LRPPRC: variants seen among roughly 807,000 people sequenced by gnomAD.
LRPPRC encodes leucine-rich PPR motif-containing protein, mitochondrial.
LRPPRC carries 120 observed loss-of-function variants against 180.3 expected under a neutral mutation model. That is an observed-to-expected ratio of 0.67 (90% CI 0.57 to 0.77). LRPPRC has a LOEUF of 0.77. Ranked by LOEUF, LRPPRC falls within the 30% of genes least tolerant of loss-of-function variation. The pLI, the probability that LRPPRC is intolerant of heterozygous loss-of-function variation, is 0.00. For synonymous variants in LRPPRC, 723 were observed against 600.0 expected (o/e 1.21, Z -3.00); for missense variants, 2,012 against 1,657.2 (o/e 1.21, Z -3.72).
Position 43,887,531 on chromosome 2 carries a change from G to A in LRPPRC, c.*1069C>T, listed in dbSNP as rs190916102. 3 of 152,324 alleles carry A rather than the reference G, an allele frequency of 2.0e-5. No individual in the cohort carries two copies. Among genetic ancestry groups the A allele is most frequent in the Non-Finnish European group, 2.9e-5 (2 of 68,040 alleles). 9.4% of individuals were successfully genotyped at this position (152,324 alleles called of 1,614,324 possible). A position where few individuals can be genotyped will look rare whatever the true frequency, so the allele number is the denominator to read the frequency against. Reference sequence around the variant, plus strand: ...TTGGCACTGAAACTGGAACAGTAGGGAGTCACCAAATTCAAATGAACAAGG... The same window carrying A: ...TTGGCACTGAAACTGGAACAGTAGGAAGTCACCAAATTCAAATGAACAAGG... On this transcript the variant is annotated 3_prime_UTR_variant, in exon 38 of 38. Coordinates refer to ENST00000260665, the MANE Select transcript of LRPPRC (RefSeq NM_133259.4).
chr2:43,994,398 C>A (rs1674925066), intron 1 of LRPPRC, among the ~76,000 whole-genome samples: 1 of 152,208 alleles, frequency 6.6e-6, no homozygotes, highest in Admixed American at 6.5e-5. Context: ...TATTATGACT[C>A]CTGTAGTAAC....
intron 36 of LRPPRC, among the ~76,000 whole-genome samples, chr2:43,893,751 A>G (rs532815259): frequency 6.6e-6 from 1 of 152,130 alleles, no homozygotes; most frequent in Non-Finnish European, 1.5e-5. Flanking sequence ...AAATTTGATA[A>G]ATTTTATGAC....
At chr2:43,991,710 G>C (rs1282615439) in intron 1 of LRPPRC, among the ~76,000 whole-genome samples, 1 of 152,204 alleles carries the variant, frequency 6.6e-6, no homozygotes. Context: ...ATGGGAAAAT[G>C]AAGAGCAAGA....
At chr2:43,926,003 C>T (rs374406399) in intron 25 of LRPPRC, 42 bp from the exon 26 acceptor site, 35 of 1,135,194 alleles carry the variant, frequency 3.1e-5, no homozygotes, top group East Asian at 1.6e-4. Context: ...GGTAAGGCTT[C>T]GGCTGAATAT....
intron 7 of LRPPRC, 110 bp from the exon 8 acceptor site, chr2:43,974,868 G>C: frequency 8.7e-7 from 1 of 1,144,910 alleles, no homozygotes; most frequent in Non-Finnish European, 1.3e-6. Context: ...ACCACCTAAA[G>C]GTTTACGACT....
intron 1 of LRPPRC, among the ~76,000 whole-genome samples, chr2:43,992,349 G>A (rs955018709): frequency 6.6e-6 from 1 of 152,186 alleles, no homozygotes; most frequent in African/African-American, 2.4e-5. Flanking sequence ...AGAGCCCCAG[G>A]CAATCATGCT....
intron 29 of LRPPRC, 123 bp downstream of exon 29, chr2:43,917,902 T>C (rs918687843): frequency 8.9e-6 from 6 of 675,208 alleles, no homozygotes; most frequent in African/African-American, 5.5e-5. Context: ...GGACAAGAAA[T>C]ATGTAAAATT....
chr2:43,931,389 C>T (rs1038399985), intron 25 of LRPPRC, among the ~76,000 whole-genome samples: 5 of 152,148 alleles, frequency 3.3e-5, no homozygotes, highest in Non-Finnish European at 5.9e-5. Context: ...ATCAAACTAG[C>T]ATTTATTAAA....
chr2:43,905,720 T>C lies in LRPPRC; in HGVS notation c.3336A>G (p.Ile1112Met), dbSNP rs1267357223. Residue 1112 changes from isoleucine (I) to methionine (M), a missense_variant, in exon 31 of 38, where the codon ATA (isoleucine) becomes ATG (methionine). Coordinates refer to ENST00000260665, the MANE Select transcript of LRPPRC (RefSeq NM_133259.4). ...LNDAANSRLI[I>M]TQVRRDYLKE... is the part of the protein sequence containing the mutation. ...TCAAATAATCCCGCCTAACTTGCGT[T>C]ATGATGAGGCGGCTGTTGGCAGCAT... 2.5e-6 allele frequency: 4 copies of C among 1,614,032 alleles called. No homozygotes were observed. Among genetic ancestry groups the C allele is most frequent in the Non-Finnish European group, 3.4e-6 (4 of 1,179,848 alleles).
intron 1 of LRPPRC, among the ~76,000 whole-genome samples, chr2:43,987,491 C>CAAAAAAAAA (rs34151335): frequency 9.2e-5 from 7 of 75,910 alleles, no homozygotes; most frequent in African/African-American, 3.8e-4. Context: ...CCAGACTCCT[C>CAAAAAAAAA]AAAAAAAAAA....
chr2:43,992,917 T>C lies in LRPPRC; in HGVS notation c.149+2882A>G, dbSNP rs114472385. Among the ~76,000 whole-genome samples, 902 of 152,204 alleles carry C rather than the reference T, an allele frequency of 5.9e-3. 9 individuals carry two copies. The highest frequency in any genetic ancestry group is 0.021 in the African/African-American group (858 of 41,542). On this transcript the variant is annotated intron_variant, in intron 1 of 37. Coordinates refer to ENST00000260665, the MANE Select transcript of LRPPRC (RefSeq NM_133259.4). ...GAAACATCATCAGATAGGTAAGTAA[T>C]GCCCTGAAAAATGGAAAAGGTCACA...
At chr2:43,962,663 G>A (rs544571402) in intron 12 of LRPPRC, among the ~76,000 whole-genome samples, 10 of 152,132 alleles carry the variant, frequency 6.6e-5, no homozygotes, top group Non-Finnish European at 1.5e-4. Flanking sequence ...TCAACAGCTT[G>A]CCTACTCTGC....
At position 43,922,923 on chromosome 2, in the gene LRPPRC, C is replaced by A. The variant is rs557169821; in HGVS notation, c.2896+2144G>T. Among the ~76,000 whole-genome samples the A allele has an allele frequency of 3.3e-5, 5 of 152,200 alleles. No individual in the cohort carries two copies. In the East Asian group the frequency reaches 9.6e-4, roughly 29 times the overall value. ...AACACGGCAGAAGGTAGGAAGTATA[C>A]AAATGTGGTTAAAAAGAATATATAC... On this transcript the variant is annotated intron_variant, in intron 27 of 37. Transcript: ENST00000260665.
chr2:43,936,813 G>A (rs1490959162), intron 23 of LRPPRC, among the ~76,000 whole-genome samples: 1 of 152,158 alleles, frequency 6.6e-6, no homozygotes, highest in Admixed American at 6.5e-5. Flanking sequence ...ATTTCAAACT[G>A]CAAGTAGATG....
intron 14 of LRPPRC, among the ~76,000 whole-genome samples, chr2:43,952,294 C>A (rs891397943): frequency 6.6e-6 from 1 of 152,042 alleles, no homozygotes; most frequent in African/African-American, 2.4e-5. Flanking sequence ...TTCACATATA[C>A]CTAAAACAAC....
At position 43,963,568 on chromosome 2, in the gene LRPPRC, A is replaced by C; in HGVS notation, c.1488+20T>G. 1 of 1,375,244 alleles carries C rather than the reference A, an allele frequency of 7.3e-7. No individual in the cohort carries two copies. Among genetic ancestry groups the C allele is most frequent in the South Asian group, 1.2e-5 (1 of 86,252 alleles). 85.2% of individuals were successfully genotyped at this position (1,375,244 alleles called of 1,614,324 possible). Reference sequence around the variant, plus strand: ...AGATATCCTCTTCAATTATTAAATTAAAACCACACTTGTACTCACCTGCAA... The same window carrying C: ...AGATATCCTCTTCAATTATTAAATTCAAACCACACTTGTACTCACCTGCAA... On this transcript the variant is annotated intron_variant, in intron 12 of 37. Coordinates refer to ENST00000260665, the MANE Select transcript of LRPPRC (RefSeq NM_133259.4).
chr2:43,921,329 C>A (rs778157869), intron 27 of LRPPRC, among the ~76,000 whole-genome samples: 1 of 152,030 alleles, frequency 6.6e-6, no homozygotes, highest in African/African-American at 2.4e-5. Context: ...ATGTTAAGAA[C>A]CCATAAATTC....
At chr2:43,927,247 T>C (rs544946769) in intron 25 of LRPPRC, among the ~76,000 whole-genome samples, 1 of 152,254 alleles carries the variant, frequency 6.6e-6, no homozygotes, top group Non-Finnish European at 1.5e-5. Flanking sequence ...AAACCAGGTA[T>C]CCCTTGAATC....
intron 14 of LRPPRC, among the ~76,000 whole-genome samples, chr2:43,950,845 G>T (rs1158114214): frequency 6.6e-6 from 1 of 152,208 alleles, no homozygotes; most frequent in African/African-American, 2.4e-5. Flanking sequence ...CAAGGCAGGT[G>T]GATCACCTGA....
Sources: gnomAD v4.1 joint callset for allele counts (sites outside exome capture counted in the v4.1 genomes callset) on GRCh38, gnomAD v4.1.1 for gene constraint, MANE v1.5 for transcripts, NCBI Gene and HGNC (gene_info 2026-07-23, HGNC 2026-07-21) for gene names.